The following TP73 variants were observed in gnomAD, a reference collection of about 807,000 sequenced individuals.
TP73 encodes tumor protein p73, also known as p53-like transcription factor.
Under a neutral mutation model 62.5 loss-of-function variants are expected in TP73, and 25 were observed. That is an observed-to-expected ratio of 0.40 (90% confidence interval 0.29 to 0.56). The LOEUF is 0.56. Ranked by LOEUF, TP73 falls within the 20% of genes least tolerant of loss-of-function variation. TP73 has a pLI of 0.46. For synonymous variants in TP73, 423 were observed against 377.5 expected (o/e 1.12, Z -1.40); for missense variants, 754 against 913.3 (o/e 0.83, Z 2.25).
chr1:3,678,492 T>C (rs1645426167), intron 1 of TP73, among the ~76,000 whole-genome samples: 1 of 152,248 alleles, frequency 6.6e-6, no homozygotes, highest in African/African-American at 2.4e-5. Context: ...GTGAGCAGTG[T>C]TCCTGTGGGG....
chr1:3,682,209 G>A (rs1014563006), intron 1 of TP73, 124 bp from the exon 2 acceptor site: 7 of 637,808 alleles, frequency 1.1e-5, no homozygotes, highest in African/African-American at 3.8e-5. Context: ...AGGGCAAGGC[G>A]GGGGCACCTG....
chr1:3,709,846 G>A (rs1639983737), intron 4 of TP73, among the ~76,000 whole-genome samples: 2 of 152,224 alleles, frequency 1.3e-5, no homozygotes, highest in South Asian at 2.1e-4. Flanking sequence ...GTCTGAGGAT[G>A]CTGATGGGGT....
intron 1 of TP73, among the ~76,000 whole-genome samples, chr1:3,660,987 C>G (rs960827981): frequency 3.9e-5 from 6 of 152,162 alleles, no homozygotes; most frequent in African/African-American, 1.4e-4. Context: ...TTCTGGAACT[C>G]TTATATGAAT....
intron 1 of TP73, among the ~76,000 whole-genome samples, chr1:3,668,424 C>T (rs1352498798): frequency 6.6e-6 from 1 of 151,954 alleles, no homozygotes; most frequent in South Asian, 2.1e-4. Flanking sequence ...AAAATTGGGG[C>T]GGGGCTCCTC....
At chr1:3,690,840 C>A (rs754620345) in intron 3 of TP73, 209 of 1,549,852 alleles carry the variant, frequency 1.3e-4, no homozygotes, top group Non-Finnish European at 1.7e-4. Flanking sequence ...CTCGGGCCGC[C>A]CAGATCCATG....
intron 4 of TP73, among the ~76,000 whole-genome samples, chr1:3,718,817 G>A (rs954235610): frequency 2.6e-5 from 4 of 152,154 alleles, no homozygotes; most frequent in South Asian, 4.1e-4. Flanking sequence ...AAGAAGCCTC[G>A]GGGGACTCAG....
In TP73 at chr1:3,727,785, A is replaced by G. The variant is rs2181486; in HGVS notation, c.985+15A>G. The G allele has an allele frequency of 0.76, 1,155,908 of 1,519,592 alleles. 445,529 individuals are homozygous for G. Among genetic ancestry groups the G allele is most frequent in the Non-Finnish European group, 0.79 (895,120 of 1,132,320 alleles). 94.1% of individuals were successfully genotyped at this position (1,519,592 alleles called of 1,614,324 possible). ...CAGCAAGCGTGGTGAGCGGCCGGCCAGGGGAACTGGACGCGTGTGGGAGGA... is the reference window on the plus strand; with the variant it reads ...CAGCAAGCGTGGTGAGCGGCCGGCCGGGGGAACTGGACGCGTGTGGGAGGA... On this transcript the variant is annotated intron_variant, in intron 8 of 13. Coordinates refer to ENST00000378295, the MANE Select transcript of TP73 (RefSeq NM_005427.4).
chr1:3,690,861 C>T (rs758063469), intron 3 of TP73: 58 of 1,557,796 alleles, frequency 3.7e-5, no homozygotes, highest in Middle Eastern at 1.7e-4. Flanking sequence ...CCTCGTCCCA[C>T]GGGACACCAG....
At chr1:3,711,223 C>T (rs1203614636) in intron 4 of TP73, among the ~76,000 whole-genome samples, 3 of 152,372 alleles carry the variant, frequency 2.0e-5, no homozygotes, top group East Asian at 1.9e-4. Flanking sequence ...GAGCGCTCCA[C>T]ACACGTGAGC....
rs1641943762 is a variant in TP73, at chr1:3,729,349, A to G, written c.1097A>G (p.Glu366Gly). 3 of 1,613,114 alleles carry G rather than the reference A, an allele frequency of 1.9e-6. No individual in the cohort carries two copies. The African/African-American group carries it at 4.0e-5, about 22-fold the overall frequency. The change falls in exon 10 of 14, where the codon GAG becomes GGG. Residue 366 changes from glutamate (E) to glycine (G), a missense_variant. Glu to Gly is a moderately conservative substitution (Grantham distance 98, BLOSUM62 -2). Coordinates refer to ENST00000378295, the MANE Select transcript of TP73 (RefSeq NM_005427.4). The stretch of plus-strand genomic sequence containing the variant: ...CAGGTGCGAGGCCGGGAGAACTTTG[A>G]GATCCTGATGAAGCTGAAAGAGAGC... ...YLQVRGRENF[E>G]ILMKLKESLE...
intron 8 of TP73, 54 bp from the exon 9 acceptor site, chr1:3,728,075 G>C (rs887827310): frequency 6.5e-7 from 1 of 1,528,706 alleles, no homozygotes; most frequent in African/African-American, 1.4e-5. Flanking sequence ...CCGGAAGGAG[G>C]CCTCACCCTC....
intron 6 of TP73, among the ~76,000 whole-genome samples, chr1:3,725,383 G>A (rs1461351173): frequency 8.7e-5 from 13 of 149,438 alleles, no homozygotes; most frequent in Non-Finnish European, 1.6e-4. Context: ...TGGGTGGATG[G>A]GTGGATGGAT....
At chr1:3,681,930 A>G (rs1645533062) in intron 1 of TP73, among the ~76,000 whole-genome samples, 1 of 147,242 alleles carries the variant, frequency 6.8e-6, no homozygotes, top group Non-Finnish European at 1.5e-5. Context: ...GTGGATCATA[A>G]CAGACCACAG....
At position 3,722,100 on chromosome 1, in the gene TP73, C is replaced by T. The variant is rs1032826594; in HGVS notation, c.509C>T (p.Pro170Leu). ...PIQIKVSTPP[P>L]PGTAIRAMPV... is the part of the protein sequence containing the mutation. ...CAGATCAAGGTGTCCACCCCGCCAC[C>T]CCCAGGCACCGCCATCCGGGCCATG... The change falls in exon 5 of 14, where the codon CCC becomes CTC. Residue 170 changes from proline to leucine, a missense_variant. Around this residue, in one of 3 missense-constraint regions of TP73, gnomAD observed 235 missense variants for 251.4 expected, o/e 0.93. Coordinates refer to ENST00000378295, the MANE Select transcript of TP73 (RefSeq NM_005427.4). The T allele has an allele frequency of 1.2e-6, 2 of 1,613,004 alleles. No individual in the cohort carries two copies. The highest frequency in any genetic ancestry group is 1.7e-6 in the Non-Finnish European group (2 of 1,179,840).
At chr1:3,685,506 G>A (rs1050855689) in intron 3 of TP73, among the ~76,000 whole-genome samples, 1 of 152,248 alleles carries the variant, frequency 6.6e-6, no homozygotes, top group Non-Finnish European at 1.5e-5. Context: ...GCCTGCGTGG[G>A]GAGAGCCAAG....
chr1:3,715,008 C>T (rs1379368496), intron 4 of TP73, among the ~76,000 whole-genome samples: 2 of 152,190 alleles, frequency 1.3e-5, no homozygotes, highest in Non-Finnish European at 2.9e-5. Context: ...AGGACAGCGG[C>T]GACCGGGTGG....
Position 3,670,303 on chromosome 1 carries a change from G to T in TP73, c.-33-12030G>T, listed in dbSNP as rs766500853. Among the ~76,000 whole-genome samples the T allele has an allele frequency of 2.8e-4, 42 of 152,256 alleles. No individual in the cohort carries two copies. The highest frequency in any genetic ancestry group is 5.2e-4 in the Admixed American group (8 of 15,298). On this transcript the variant is annotated intron_variant, in intron 1 of 13. Coordinates refer to ENST00000378295, the MANE Select transcript of TP73 (RefSeq NM_005427.4). This position sits in a 1 kb window ranked among gnomAD's most constrained non-coding sequence, Gnocchi z 5.9. ...GGAATGTGGGTGTCGTCTCCCTGGG[G>T]TCCCGCAGTCTGAACTCAAGACTCA...
chr1:3,688,671 G>A (rs190384358), intron 3 of TP73, among the ~76,000 whole-genome samples: 7 of 152,222 alleles, frequency 4.6e-5, no homozygotes, highest in East Asian at 3.9e-4. Flanking sequence ...CCTTGGGAAC[G>A]TTTGCAGAAA....
intron 1 of TP73, among the ~76,000 whole-genome samples, chr1:3,669,468 C>T (rs1206255386): frequency 6.6e-6 from 1 of 152,222 alleles, no homozygotes; most frequent in Non-Finnish European, 1.5e-5. Context: ...ACCTCCACCC[C>T]TTGGACCCAC....
Sources: allele counts gnomAD v4.1 joint callset (sites outside exome capture counted in the v4.1 genomes callset), GRCh38; gene constraint gnomAD v4.1.1; regional missense constraint gnomAD v4.1.1; non-coding constraint Gnocchi (gnomAD v3.1); transcripts MANE v1.5; gene names NCBI Gene and HGNC (gene_info 2026-07-23, HGNC 2026-07-21).